The following ADAM7 variants were observed in gnomAD, a reference collection of about 807,000 sequenced individuals.
ADAM7 encodes the protein disintegrin and metalloproteinase domain-containing protein 7.
Under a neutral mutation model 102.9 loss-of-function variants are expected in ADAM7, and 97 were observed. The ratio of observed to expected loss-of-function variants is 0.94; its 90% CI spans 0.80 to 1.12. The LOEUF (loss-of-function observed/expected upper bound fraction) is 1.12. ADAM7 is among the 50% of genes most tolerant of loss of function. The pLI is 0.00. For synonymous variants in ADAM7, 334 were observed against 304.4 expected (o/e 1.10, Z -1.01); for missense variants, 991 against 908.7 (o/e 1.09, Z -1.16).
chr8:24,504,443 T>C (rs1311607154), intron 20 of ADAM7, among the ~76,000 whole-genome samples: 2 of 149,500 alleles, frequency 1.3e-5, no homozygotes, highest in East Asian at 3.9e-4. Context: ...GCATTAGCTT[T>C]AAAAAAAAAA....
At chr8:24,504,095 C>T (rs1249322882) in intron 20 of ADAM7, among the ~76,000 whole-genome samples, 4 of 151,918 alleles carry the variant, frequency 2.6e-5, no homozygotes, top group African/African-American at 9.6e-5. Flanking sequence ...TGGCCAGGCA[C>T]AGTGGCTCAC....
chr8:24,488,491 T>G (rs1037953717), intron 11 of ADAM7, among the ~76,000 whole-genome samples: 2 of 152,168 alleles, frequency 1.3e-5, no homozygotes, highest in African/African-American at 4.8e-5. Flanking sequence ...AAGAACACAG[T>G]AATTAATATT....
At chr8:24,452,855 A>C (rs932702473) in intron 3 of ADAM7, among the ~76,000 whole-genome samples, 9 of 151,028 alleles carry the variant, frequency 6.0e-5, no homozygotes, top group African/African-American at 2.0e-4. Context: ...GGTGGTGACA[A>C]AATCTCTCAG....
At chr8:24,475,627 T>C (rs1417411375) in intron 7 of ADAM7, among the ~76,000 whole-genome samples, 1 of 152,132 alleles carries the variant, frequency 6.6e-6, no homozygotes, top group African/African-American at 2.4e-5. Context: ...TCTAATGCTA[T>C]ATCTTAGCAG....
At chr8:24,505,352 G>C (rs1820914647) in intron 20 of ADAM7, among the ~76,000 whole-genome samples, 1 of 152,052 alleles carries the variant, frequency 6.6e-6, no homozygotes, top group South Asian at 2.1e-4. Context: ...GCACCTAGAA[G>C]AGAAGATGAA....
rs774503227 is a variant in ADAM7 at position 24,468,854 on chromosome 8, C to T, written c.633+34C>T. The T allele has an allele frequency of 1.9e-6, 3 of 1,568,696 alleles. No homozygotes were observed. The East Asian group carries it at 6.7e-5, about 35-fold the overall frequency. On this transcript the variant is annotated intron_variant, in intron 7 of 21. Transcript: ENST00000175238. ...TCAATAGAACATTTCTCTCTTTATT[C>T]TTCCTTTTGGAACTTGTAGTTATCA...
At position 24,491,985 on chromosome 8, in the gene ADAM7, G is replaced by A; in HGVS notation, c.1439G>A (p.Cys480Tyr). 2 of 1,613,956 alleles carry A rather than the reference G, an allele frequency of 1.2e-6. No homozygotes were observed. The highest frequency in any genetic ancestry group is 1.7e-6 in the Non-Finnish European group (2 of 1,179,874). The change falls in exon 14 of 22, where the codon TGT becomes TAT. Residue 480 changes from cysteine to tyrosine, a missense_variant. Transcript: ENST00000175238. ...ATGTGCACTGGCCACTCGCCTGCCT[G>A]TCCTAAGGACCAGTTCAGGGTCAAT... Reference protein sequence around the residue: ...PEMCTGHSPACPKDQFRVNGF... With the variant: ...PEMCTGHSPAYPKDQFRVNGF...
chr8:24,500,948 G>T, intron 19 of ADAM7, 53 bp downstream of exon 19: 1 of 1,449,584 alleles, frequency 6.9e-7, no homozygotes, highest in South Asian at 1.2e-5. Flanking sequence ...CTGAGAATAT[G>T]TAAGCTTTGT....
chr8:24,484,553 A>T (rs1820067762), intron 9 of ADAM7, among the ~76,000 whole-genome samples: 1 of 152,314 alleles, frequency 6.6e-6, no homozygotes, highest in South Asian at 2.1e-4. Flanking sequence ...GTTGATTAAA[A>T]GTCTTAACAT....
In ADAM7 at chr8:24,441,033, C is replaced by A. The variant is rs1007610655; in HGVS notation, c.-76C>A. The A allele has an allele frequency of 1.5e-6, 2 of 1,368,158 alleles. No homozygotes were observed. The highest frequency in any genetic ancestry group is 2.1e-6 in the Non-Finnish European group (2 of 958,308). 84.8% of individuals were successfully genotyped at this position (1,368,158 alleles called of 1,614,324 possible). A position where few individuals can be genotyped will look rare whatever the true frequency, so the allele number is the denominator to read the frequency against. ...CTATCTGTGAGGTGCTTCATCCCTGCAGTGGAAGTGAGGAGGAAGAAAGGT... is the reference window on the plus strand; with the variant it reads ...CTATCTGTGAGGTGCTTCATCCCTGAAGTGGAAGTGAGGAGGAAGAAAGGT... On this transcript the variant is annotated 5_prime_UTR_variant, in exon 1 of 22. Coordinates refer to ENST00000175238, the MANE Select transcript of ADAM7 (RefSeq NM_003817.4).
In ADAM7 at chr8:24,463,817, A is replaced by G. The variant is rs546375253; in HGVS notation, c.234-65A>G. 368 of 1,349,026 alleles carry G rather than the reference A, an allele frequency of 2.7e-4. 1 individual carries two copies. In the South Asian group the frequency reaches 4.0e-3, roughly 15 times the overall value. The allele number at this position is 1,349,026 out of a possible 1,614,324, so 83.6% of individuals were successfully genotyped here. A position where few individuals can be genotyped will look rare whatever the true frequency, so the allele number is the denominator to read the frequency against. On this transcript the variant is annotated intron_variant, in intron 3 of 21. Coordinates refer to ENST00000175238, the MANE Select transcript of ADAM7 (RefSeq NM_003817.4). ...AAACTGGACACTTCTCCATCACATT[A>G]TAGGTTTTATCTGTCAGGTTTTTAG...
At chr8:24,445,542 T>C (rs922235283) in intron 2 of ADAM7, among the ~76,000 whole-genome samples, 7 of 152,200 alleles carry the variant, frequency 4.6e-5, no homozygotes, top group Non-Finnish European at 7.4e-5. Flanking sequence ...AGCATGTAAA[T>C]GTCTTTTAAA....
chr8:24,463,845 C>G (rs576717055), intron 3 of ADAM7, 37 bp from the exon 4 acceptor site: 2 of 1,558,166 alleles, frequency 1.3e-6, no homozygotes, highest in South Asian at 2.2e-5. Context: ...GTTTTTAGAA[C>G]GAACAAATCT....
At chr8:24,442,417 C>A (rs1309381421) in intron 1 of ADAM7, 56 bp from the exon 2 acceptor site, 2 of 1,192,922 alleles carry the variant, frequency 1.7e-6, no homozygotes, top group Non-Finnish European at 2.5e-6. Context: ...GTTTTTCAGC[C>A]GCTGTAGACG....
intron 3 of ADAM7, among the ~76,000 whole-genome samples, chr8:24,463,541 A>G (rs1221267887): frequency 6.6e-6 from 1 of 152,168 alleles, no homozygotes; most frequent in Non-Finnish European, 1.5e-5. Context: ...TGTGATGAAT[A>G]TAAGACATAT....
In ADAM7 at chr8:24,508,618, C is replaced by A; in HGVS notation, c.*72C>A. On this transcript the variant is annotated 3_prime_UTR_variant, in exon 22 of 22. Coordinates refer to ENST00000175238, the MANE Select transcript of ADAM7 (RefSeq NM_003817.4). Reference sequence around the variant, plus strand: ...ATTCTGGATGCAACGTCTTTACAACCTTACCTAGATATCTGCTACTCACAT... The same window carrying A: ...ATTCTGGATGCAACGTCTTTACAACATTACCTAGATATCTGCTACTCACAT... 6.2e-7 allele frequency: 1 copy of A among 1,609,572 alleles called. No individual in the cohort carries two copies. The highest frequency in any genetic ancestry group is 8.5e-7 in the Non-Finnish European group (1 of 1,177,424).
At chr8:24,502,736 C>G (rs1015568269) in intron 20 of ADAM7, among the ~76,000 whole-genome samples, 5 of 152,038 alleles carry the variant, frequency 3.3e-5, no homozygotes, top group African/African-American at 1.2e-4. Context: ...AAAAACCTTT[C>G]CACAAACAAA....
At chr8:24,453,286 A>G (rs1432229798) in intron 3 of ADAM7, among the ~76,000 whole-genome samples, 1 of 152,160 alleles carries the variant, frequency 6.6e-6, no homozygotes, top group Non-Finnish European at 1.5e-5. Flanking sequence ...TTTCAGGTAC[A>G]CCAATCAGAC....
rs1820733533 is a variant in ADAM7, at chr8:24,500,805, T to C, written c.2018T>C (p.Val673Ala). The C allele has an allele frequency of 6.2e-7, 1 of 1,613,036 alleles. No homozygotes were observed. Among genetic ancestry groups the C allele is most frequent in the African/African-American group, 1.3e-5 (1 of 74,850 alleles). Residue 673 changes from valine to alanine, a missense_variant, in exon 19 of 22, where the codon GTT becomes GCT. By Grantham distance (64) the Val-to-Ala change is moderately conservative. Transcript: ENST00000175238. ...CATGTTGCAGATATCACCATCTTGG[T>C]TGTTGTGCTTGTCCTGGTTATTGTC... is the stretch of plus-strand genomic sequence containing the variant. ...TLHVTNITIL[V>A]VVLVLVIVGI...
Sources: allele counts gnomAD v4.1 joint callset (sites outside exome capture counted in the v4.1 genomes callset), GRCh38; gene constraint gnomAD v4.1.1; transcripts MANE v1.5; gene names NCBI Gene and HGNC (gene_info 2026-07-23, HGNC 2026-07-21).